Variants in NLGN1 observed in about 807,000 individuals in gnomAD.
NLGN1 encodes neuroligin-1.
Under a neutral mutation model 65.5 loss-of-function variants are expected in NLGN1, and 12 were observed. The observed-to-expected ratio is 0.18, with a 90% confidence interval of 0.12 to 0.30. The LOEUF (loss-of-function observed/expected upper bound fraction) is 0.30. NLGN1 is among the 10% of genes least tolerant of loss of function. The pLI, the probability that NLGN1 is intolerant of heterozygous loss-of-function variation, is 1.00. For synonymous variants in NLGN1, 350 were observed against 359.5 expected (o/e 0.97, Z 0.30); for missense variants, 750 against 1,007.1 (o/e 0.74, Z 3.46).
chr3:173,871,367 A>G (rs1040329854), intron 4 of NLGN1, among the ~76,000 whole-genome samples: 4 of 152,202 alleles, frequency 2.6e-5, no homozygotes, highest in East Asian at 3.9e-4. Context: ...TACAATCTTT[A>G]TATTTTTGTA....
At chr3:174,269,438 C>CT (rs1245988413) in intron 4 of NLGN1, among the ~76,000 whole-genome samples, 2 of 151,816 alleles carry the variant, frequency 1.3e-5, no homozygotes, top group African/African-American at 4.8e-5. Context: ...ACAGTATTTG[C>CT]TTTTTTTGTG....
At chr3:173,457,224 T>C (rs1191048800) in intron 2 of NLGN1, among the ~76,000 whole-genome samples, 1 of 152,088 alleles carries the variant, frequency 6.6e-6, no homozygotes, top group East Asian at 1.9e-4. Flanking sequence ...GTTTTCATCA[T>C]TATTAAATGA....
intron 1 of NLGN1, among the ~76,000 whole-genome samples, chr3:173,425,037 A>G (rs1715843045): frequency 6.6e-6 from 1 of 152,158 alleles, no homozygotes; most frequent in South Asian, 2.1e-4. Context: ...GGGCCTCAGG[A>G]AACTTACAAT....
chr3:174,051,386 G>A (rs1734836112), intron 4 of NLGN1, among the ~76,000 whole-genome samples: 1 of 152,076 alleles, frequency 6.6e-6, no homozygotes, highest in Admixed American at 6.6e-5. Flanking sequence ...TGATGAGACG[G>A]TTCCATTCTC....
At chr3:173,582,114 A>G (rs1050856985) in intron 2 of NLGN1, among the ~76,000 whole-genome samples, 5 of 152,110 alleles carry the variant, frequency 3.3e-5, no homozygotes, top group Non-Finnish European at 7.4e-5. Context: ...TCCTATAAGC[A>G]TCTTTCCGCA....
chr3:173,537,334 A>G (rs980737022), intron 2 of NLGN1, among the ~76,000 whole-genome samples: 12 of 152,328 alleles, frequency 7.9e-5, no homozygotes, highest in Non-Finnish European at 1.6e-4. Context: ...CAAACAGAGA[A>G]TACGCTAATT....
chr3:173,447,992 T>A (rs542939680), intron 2 of NLGN1, among the ~76,000 whole-genome samples: 1 of 152,214 alleles, frequency 6.6e-6, no homozygotes, highest in Non-Finnish European at 1.5e-5. Flanking sequence ...AGATATACAA[T>A]CATGTCATCT....
chr3:174,060,968 G>T (rs1313005064), intron 4 of NLGN1, among the ~76,000 whole-genome samples: 1 of 152,000 alleles, frequency 6.6e-6, no homozygotes, highest in Admixed American at 6.6e-5. Flanking sequence ...TTACCATATT[G>T]TCAGCATTTT....
intron 4 of NLGN1, among the ~76,000 whole-genome samples, chr3:173,872,143 A>T (rs1409799604): frequency 6.6e-6 from 1 of 152,120 alleles, no homozygotes; most frequent in Non-Finnish European, 1.5e-5. Flanking sequence ...CCTCTCGTGG[A>T]CTGAGAGAGG....
At chr3:174,044,648 A>G (rs1733125737) in intron 4 of NLGN1, among the ~76,000 whole-genome samples, 1 of 152,120 alleles carries the variant, frequency 6.6e-6, no homozygotes. Flanking sequence ...GGTCAAAGCC[A>G]TTCAACAAGT....
rs1762858006 is a variant in NLGN1, at chr3:173,674,441, A to T, written c.493+69350A>T. Among the ~76,000 whole-genome samples the T allele has an allele frequency of 1.3e-5, 2 of 152,144 alleles. 1 individual carries two copies. The stretch of plus-strand genomic sequence containing the variant: ...GTTTAAATAGCTTGTCCAAAAAAAA[A>T]ATTTAGCCAACATCTGGGTGACTTC... On this transcript the variant is annotated intron_variant, in intron 3 of 6. Coordinates refer to ENST00000457714, the Ensembl canonical transcript of NLGN1.
chr3:174,240,799 A>G (rs1175824259), intron 4 of NLGN1, among the ~76,000 whole-genome samples: 1 of 152,182 alleles, frequency 6.6e-6, no homozygotes, highest in East Asian at 1.9e-4. Context: ...ATGTAAGAGA[A>G]TTTGTGGGTC....
At chr3:173,973,879 C>T (rs1364693897) in intron 4 of NLGN1, among the ~76,000 whole-genome samples, 1 of 151,936 alleles carries the variant, frequency 6.6e-6, no homozygotes, top group Non-Finnish European at 1.5e-5. Flanking sequence ...TTTCTGGTTA[C>T]ACCCTAATAG....
intron 3 of NLGN1, among the ~76,000 whole-genome samples, chr3:173,780,851 G>A (rs1781014356): frequency 1.3e-5 from 2 of 151,946 alleles, no homozygotes; most frequent in Admixed American, 6.6e-5. Context: ...TTTTGAAAAC[G>A]TAAATATTGG....
chr3:174,099,473 A>G (rs1482041051), intron 4 of NLGN1, among the ~76,000 whole-genome samples: 2 of 152,228 alleles, frequency 1.3e-5, no homozygotes, highest in Non-Finnish European at 2.9e-5. Context: ...CTGCAAAAAT[A>G]GACTTAAATG....
chr3:173,489,876 A>G (rs1342168775), intron 2 of NLGN1, among the ~76,000 whole-genome samples: 2 of 152,126 alleles, frequency 1.3e-5, no homozygotes, highest in African/African-American at 4.8e-5. Context: ...GGCTGCATAA[A>G]TGTCTTCTTT....
chr3:173,927,377 T>C (rs1417007572), intron 4 of NLGN1, among the ~76,000 whole-genome samples: 2 of 152,156 alleles, frequency 1.3e-5, no homozygotes, highest in African/African-American at 4.8e-5. Context: ...CCTCATTTTT[T>C]AGTATTTAAA....
intron 4 of NLGN1, among the ~76,000 whole-genome samples, chr3:174,259,955 A>G (rs1318061506): frequency 6.6e-6 from 1 of 150,830 alleles, no homozygotes; most frequent in Non-Finnish European, 1.5e-5. Context: ...TGTTCTTGTG[A>G]TAGTTTACTG....
intron 4 of NLGN1, among the ~76,000 whole-genome samples, chr3:174,236,345 G>C (rs1048579151): frequency 1.3e-5 from 2 of 151,856 alleles, no homozygotes; most frequent in Admixed American, 1.3e-4. Context: ...AATGCTCAAA[G>C]CATTATATGA....
Sources: gnomAD v4.1 joint callset for allele counts (sites outside exome capture counted in the v4.1 genomes callset) on GRCh38, gnomAD v4.1.1 for gene constraint, MANE v1.5 for transcripts, NCBI Gene and HGNC (gene_info 2026-07-23, HGNC 2026-07-21) for gene names.